The following KSR2 variants were observed in gnomAD, a reference collection of about 807,000 sequenced individuals.
KSR2 encodes kinase suppressor of ras 2.
In KSR2, 25 loss-of-function variants were observed where a neutral mutation model predicts 107.8. The ratio of observed to expected loss-of-function variants is 0.23; its 90% confidence interval spans 0.17 to 0.32. The LOEUF (loss-of-function observed/expected upper bound fraction) is 0.32, where lower values mean the gene tolerates loss of function less well. KSR2 is among the 10% of genes least tolerant of loss of function. The pLI is 1.00. For synonymous variants in KSR2, 480 were observed against 507.0 expected (o/e 0.95, Z 0.71); for missense variants, 887 against 1,268.9 (o/e 0.70, Z 4.57).
intron 4 of KSR2, among the ~76,000 whole-genome samples, chr12:117,732,674 G>C (rs1201000416): frequency 1.3e-5 from 2 of 152,120 alleles, no homozygotes; most frequent in African/African-American, 4.8e-5. Flanking sequence ...CTGGAAGGAG[G>C]CCTCAGCTGG....
intron 1 of KSR2, among the ~76,000 whole-genome samples, chr12:117,871,040 A>AG (rs1451880983): frequency 6.6e-6 from 1 of 152,238 alleles, no homozygotes; most frequent in Non-Finnish European, 1.5e-5. Flanking sequence ...TTAATGTTGC[A>AG]GAAAAACTGT....
intron 5 of KSR2, among the ~76,000 whole-genome samples, chr12:117,603,029 C>A (rs1242992762): frequency 2.0e-5 from 3 of 152,142 alleles, no homozygotes; most frequent in African/African-American, 7.2e-5. Flanking sequence ...GCTTCCTTGG[C>A]CATTATGTGG....
chr12:117,586,932 TGGGA>T (rs1880037456), intron 5 of KSR2, among the ~76,000 whole-genome samples: 1 of 152,154 alleles, frequency 6.6e-6, no homozygotes, highest in African/African-American at 2.4e-5. Flanking sequence ...CTTTCACAGA[TGGGA>T]ATATTGAGGC....
At position 117,469,753 on chromosome 12, in the gene KSR2, G is replaced by C; in HGVS notation, c.2755C>G (p.Pro919Ala). 1 of 1,613,862 alleles carries C rather than the reference G, an allele frequency of 6.2e-7. No individual in the cohort carries two copies. The highest frequency in any genetic ancestry group is 8.5e-7 in the Non-Finnish European group (1 of 1,179,852). ...FCWAFEQEER[P>A]TFTKLMDMLE... Reference sequence around the variant, plus strand: ...ATGTCCATGAGCTTGGTGAAGGTAGGTCTCTCTTCTTGTTCAAAGGCCCAG... The same window carrying C: ...ATGTCCATGAGCTTGGTGAAGGTAGCTCTCTCTTCTTGTTCAAAGGCCCAG... The change falls in exon 19 of 20, where the codon CCT becomes GCT. Residue 919 changes from proline (P) to alanine (A), a missense_variant. Physicochemically the swap from Pro to Ala is conservative, Grantham distance 27. Transcript: ENST00000339824.
chr12:117,733,817 C>A (rs1282115020), intron 4 of KSR2, among the ~76,000 whole-genome samples: 1 of 151,902 alleles, frequency 6.6e-6, no homozygotes, highest in Admixed American at 6.5e-5. Flanking sequence ...TGGTTTTTTG[C>A]AACTCGGTGC....
chr12:117,650,480 G>T (rs971712188), intron 5 of KSR2, among the ~76,000 whole-genome samples: 1 of 152,190 alleles, frequency 6.6e-6, no homozygotes, highest in African/African-American at 2.4e-5. Flanking sequence ...TAGAGGAATA[G>T]AATATTAAGG....
chr12:117,779,197 G>A (rs749347282), intron 3 of KSR2, among the ~76,000 whole-genome samples: 11 of 152,174 alleles, frequency 7.2e-5, no homozygotes, highest in Admixed American at 1.3e-4. Flanking sequence ...GAAAGGTGCT[G>A]TGTAAACGTC....
At chr12:117,722,125 C>T (rs1172918356) in intron 4 of KSR2, among the ~76,000 whole-genome samples, 3 of 152,146 alleles carry the variant, frequency 2.0e-5, no homozygotes, top group South Asian at 4.1e-4. Flanking sequence ...CCTCCCGCCT[C>T]GTTCTCCTAA....
At chr12:117,672,105 C>T (rs1014174287) in intron 4 of KSR2, among the ~76,000 whole-genome samples, 4 of 152,146 alleles carry the variant, frequency 2.6e-5, no homozygotes, top group East Asian at 1.9e-4. Flanking sequence ...CACATACTGG[C>T]GGACTCTTTC....
Position 117,619,481 on chromosome 12 carries a change from G to A in KSR2, c.1172-37122C>T, listed in dbSNP as rs142707787. Among the ~76,000 whole-genome samples the A allele has an allele frequency of 3.5e-3, 525 of 151,764 alleles. 1 individual carries two copies. Among genetic ancestry groups the A allele is most frequent in the African/African-American group, 0.012 (495 of 41,416 alleles). ...GTGGTGTTTGGTTATTTGTCCTTGCGATAGTTTGCTGAGAATGATGGCTTC... is the reference window on the plus strand; with the variant it reads ...GTGGTGTTTGGTTATTTGTCCTTGCAATAGTTTGCTGAGAATGATGGCTTC... On this transcript the variant is annotated intron_variant, in intron 5 of 19. Transcript: ENST00000339824.
In KSR2 at chr12:117,565,630, CCT is replaced by C. The variant is rs1317657564; in HGVS notation, c.1326-7059_1326-7058del. ...TGAGAATAGGAATAATAATTATTTC[CCT>C]TTACCATGTGAGATAAACTGTGTGA... On this transcript the variant is annotated intron_variant, in intron 7 of 19. Coordinates refer to ENST00000339824, the MANE Select transcript of KSR2 (RefSeq NM_173598.6). 7.2e-5 allele frequency among the ~76,000 whole-genome samples: 11 copies of C among 152,082 alleles called. No homozygotes were observed. The East Asian group carries it at 1.9e-3, about 27-fold the overall frequency.
At chr12:117,632,301 T>G (rs1384160094) in intron 5 of KSR2, among the ~76,000 whole-genome samples, 1 of 137,744 alleles carries the variant, frequency 7.3e-6, no homozygotes, top group Non-Finnish European at 1.5e-5. Flanking sequence ...CTTGGTTCAC[T>G]GCAACCTCCA....
intron 4 of KSR2, among the ~76,000 whole-genome samples, chr12:117,729,213 G>A (rs752557840): frequency 1.3e-5 from 2 of 151,732 alleles, no homozygotes; most frequent in Non-Finnish European, 2.9e-5. Flanking sequence ...CATTGAGGGT[G>A]ATGCTGCTGG....
intron 1 of KSR2, among the ~76,000 whole-genome samples, chr12:117,878,005 A>G (rs1014361755): frequency 1.3e-5 from 2 of 152,286 alleles, no homozygotes; most frequent in African/African-American, 2.4e-5. Context: ...CACAGTTCCC[A>G]TTGGGTGATC....
At chr12:117,617,061 T>A (rs1881932975) in intron 5 of KSR2, among the ~76,000 whole-genome samples, 1 of 152,182 alleles carries the variant, frequency 6.6e-6, no homozygotes, top group Non-Finnish European at 1.5e-5. Flanking sequence ...TGTTTGGGGT[T>A]CAAGGCACTC....
intron 4 of KSR2, among the ~76,000 whole-genome samples, chr12:117,733,374 C>T (rs921187211): frequency 2.6e-5 from 4 of 152,212 alleles, no homozygotes; most frequent in African/African-American, 9.7e-5. Flanking sequence ...ACACGTCCCA[C>T]TCTTTACCTG....
At chr12:117,884,297 A>G (rs1894111091) in intron 1 of KSR2, among the ~76,000 whole-genome samples, 1 of 152,208 alleles carries the variant, frequency 6.6e-6, no homozygotes, top group Non-Finnish European at 1.5e-5. Flanking sequence ...GGCAAAAGGA[A>G]GAGAGAAAAA....
intron 1 of KSR2, among the ~76,000 whole-genome samples, chr12:117,894,988 G>T (rs115945346): frequency 0.048 from 7,239 of 151,694 alleles, 554 homozygotes; most frequent in African/African-American, 0.17. Flanking sequence ...CTAGCTACTC[G>T]GGAGACTGAG....
chr12:117,538,696 A>G (rs1005908088), intron 10 of KSR2, among the ~76,000 whole-genome samples: 3 of 152,342 alleles, frequency 2.0e-5, no homozygotes, highest in South Asian at 4.1e-4. Context: ...AGCCCTTGCA[A>G]TGTGGCTAGT....
Sources: gnomAD v4.1 joint callset for allele counts (sites outside exome capture counted in the v4.1 genomes callset) on GRCh38, gnomAD v4.1.1 for gene constraint, MANE v1.5 for transcripts, NCBI Gene and HGNC (gene_info 2026-07-23, HGNC 2026-07-21) for gene names.